WDR41: variants seen among roughly 807,000 people sequenced by gnomAD.
WDR41 encodes the protein WD repeat domain 41.
In WDR41, 63 loss-of-function variants were observed where a neutral mutation model predicts 69.3. That is an observed-to-expected ratio of 0.91 (90% CI 0.74 to 1.12). The LOEUF (loss-of-function observed/expected upper bound fraction) is 1.12, where lower values mean the gene tolerates loss of function less well. Ranked by LOEUF, WDR41 falls within the 50% of genes most tolerant of loss-of-function variation. The probability of loss-of-function intolerance (pLI) is 0.00; values close to 1 mark genes in which losing one functional copy is unlikely to be tolerated. For synonymous variants in WDR41, 185 were observed against 192.1 expected, an observed-to-expected ratio of 0.96 and a Z score of 0.31; for missense variants, 543 against 534.5, an observed-to-expected ratio of 1.02 and a Z score of -0.16.
intron 2 of WDR41, among the ~76,000 whole-genome samples, chr5:77,465,724 T>A (rs1353398575): frequency 6.6e-6 from 1 of 150,388 alleles, no homozygotes; most frequent in Non-Finnish European, 1.5e-5. Flanking sequence ...ATTCAGGCTT[T>A]TTTTTTTTTT....
chr5:77,529,694 G>A (rs1802498862), intron 1 of WDR41, among the ~76,000 whole-genome samples: 1 of 151,502 alleles, frequency 6.6e-6, no homozygotes, highest in Non-Finnish European at 1.5e-5. Flanking sequence ...AGAGAAAATG[G>A]AGAGTTAAGA....
At chr5:77,485,921 G>A (rs186866125) in intron 2 of WDR41, among the ~76,000 whole-genome samples, 105 of 151,938 alleles carry the variant, frequency 6.9e-4, no homozygotes, top group Middle Eastern at 3.4e-3. Flanking sequence ...GACTTGAAGC[G>A]TGAAACCTGG....
intron 12 of WDR41, among the ~76,000 whole-genome samples, chr5:77,435,721 T>C (rs994434280): frequency 1.3e-4 from 20 of 152,236 alleles, no homozygotes; most frequent in African/African-American, 4.8e-4. Flanking sequence ...CAAATATTAA[T>C]GTATCTGGAT....
At chr5:77,565,759 T>C (rs1743614567) in intron 1 of WDR41, among the ~76,000 whole-genome samples, 1 of 152,144 alleles carries the variant, frequency 6.6e-6, no homozygotes, top group Non-Finnish European at 1.5e-5. Flanking sequence ...CCTCCTATTG[T>C]GATTTAAGTC....
At chr5:77,478,009 C>A (rs1581748323) in intron 2 of WDR41, among the ~76,000 whole-genome samples, 1 of 151,958 alleles carries the variant, frequency 6.6e-6, no homozygotes, top group Non-Finnish European at 1.5e-5. Flanking sequence ...ACTGATCCCA[C>A]AGAAATACAA....
intron 8 of WDR41, among the ~76,000 whole-genome samples, chr5:77,445,435 C>T (rs1799342740): frequency 6.6e-6 from 1 of 152,124 alleles, no homozygotes; most frequent in Admixed American, 6.5e-5. Context: ...AAGCCAGCAT[C>T]ATCCTGACAC....
chr5:77,430,985 A>G lies in WDR41; in HGVS notation c.*2150T>C, dbSNP rs915446467. The G allele has an allele frequency of 2.0e-5, 3 of 152,178 alleles. No homozygotes were observed. Among genetic ancestry groups the G allele is most frequent in the Admixed American group, 2.0e-4 (3 of 15,274 alleles). The allele number at this position is 152,178 out of a possible 1,614,324, so 9.4% of individuals were successfully genotyped here. A position where few individuals can be genotyped will look rare whatever the true frequency, so the allele number is the denominator to read the frequency against. On this transcript the variant is annotated 3_prime_UTR_variant, in exon 13 of 13. Coordinates refer to ENST00000296679, the MANE Select transcript of WDR41 (RefSeq NM_018268.4). ...TTTAATAGATGAGAAGTTGCTTAAG[A>G]ATGTGTATAGAAAGTGGTTTCTGGA... is the stretch of plus-strand genomic sequence containing the variant.
chr5:77,488,325 G>C (rs1226383001), intron 2 of WDR41, among the ~76,000 whole-genome samples: 1 of 152,162 alleles, frequency 6.6e-6, no homozygotes, highest in Admixed American at 6.5e-5. Flanking sequence ...AGAAGGCTGA[G>C]CACGGTGGCT....
rs565651269 is a variant in WDR41, at chr5:77,540,896, G to C, written c.43-51324C>G. 7.9e-5 allele frequency among the ~76,000 whole-genome samples: 12 copies of C among 152,242 alleles called. No individual in the cohort carries two copies. In the South Asian group the frequency reaches 2.3e-3, roughly 29 times the overall value. ...TTGATGACTAAAAGGAGAATGTCTT[G>C]TTTCAAATTGGCAGAGGAAATGGGA... On this transcript the variant is annotated intron_variant, in intron 1 of 5. Coordinates refer to the WDR41 transcript ENST00000509971.
chr5:77,510,635 A>G (rs1439233689), intron 1 of WDR41, among the ~76,000 whole-genome samples: 1 of 152,158 alleles, frequency 6.6e-6, no homozygotes, highest in African/African-American at 2.4e-5. Context: ...TGAAGTTAGC[A>G]GGAGAAATAG....
intron 1 of WDR41, among the ~76,000 whole-genome samples, chr5:77,535,052 T>C (rs1476781066): frequency 2.0e-5 from 3 of 152,168 alleles, no homozygotes; most frequent in Non-Finnish European, 4.4e-5. Flanking sequence ...ATGGATCCAG[T>C]CATTTTTGAG....
chr5:77,482,757 A>G (rs1479258513), intron 2 of WDR41, among the ~76,000 whole-genome samples: 1 of 152,038 alleles, frequency 6.6e-6, no homozygotes, highest in Non-Finnish European at 1.5e-5. Context: ...TTCAGAGCAC[A>G]TAACCCCAAA....
chr5:77,514,415 C>G (rs1019862937), intron 1 of WDR41, among the ~76,000 whole-genome samples: 2 of 152,172 alleles, frequency 1.3e-5, no homozygotes, highest in African/African-American at 4.8e-5. Flanking sequence ...CAAACTAGGT[C>G]TGGTTCCCTT....
At chr5:77,535,871 G>C (rs1472021254) in intron 1 of WDR41, among the ~76,000 whole-genome samples, 1 of 152,180 alleles carries the variant, frequency 6.6e-6, no homozygotes, top group African/African-American at 2.4e-5. Flanking sequence ...TACCTAGCTG[G>C]TGTAAGACAA....
At chr5:77,505,667 T>C (rs757860884) in intron 1 of WDR41, among the ~76,000 whole-genome samples, 1 of 152,162 alleles carries the variant, frequency 6.6e-6, no homozygotes, top group Non-Finnish European at 1.5e-5. Flanking sequence ...CAAAACAGCA[T>C]AGTACTGGTA....
At chr5:77,470,329 A>G (rs1279790991) in intron 2 of WDR41, among the ~76,000 whole-genome samples, 2 of 152,254 alleles carry the variant, frequency 1.3e-5, no homozygotes, top group African/African-American at 4.8e-5. Context: ...AAAACATGCC[A>G]AATTGTAAAG....
At chr5:77,610,784 G>T in intron 1 of WDR41, among the ~76,000 whole-genome samples, 1 of 151,914 alleles carries the variant, frequency 6.6e-6, no homozygotes, top group Non-Finnish European at 1.5e-5. Context: ...CATAATGACA[G>T]GATCAAATTC....
intron 9 of WDR41, among the ~76,000 whole-genome samples, chr5:77,438,618 C>A (rs1799037964): frequency 6.6e-6 from 1 of 152,218 alleles, no homozygotes; most frequent in Non-Finnish European, 1.5e-5. Context: ...AGCGCCACTT[C>A]TTCCTCACTG....
intron 2 of WDR41, among the ~76,000 whole-genome samples, chr5:77,469,249 G>C (rs951820472): frequency 2.6e-5 from 4 of 152,096 alleles, no homozygotes; most frequent in Non-Finnish European, 4.4e-5. Flanking sequence ...TCGTGGGGTG[G>C]GGGTAGGGGG....
Sources: gnomAD v4.1 joint callset for allele counts (sites outside exome capture counted in the v4.1 genomes callset) on GRCh38, gnomAD v4.1.1 for gene constraint, MANE v1.5 for transcripts, NCBI Gene and HGNC (gene_info 2026-07-23, HGNC 2026-07-21) for gene names.